Variants in NOS1AP observed in about 807,000 individuals in gnomAD.
NOS1AP encodes nitric oxide synthase 1 adaptor protein, also known as carboxyl-terminal PDZ ligand of neuronal nitric oxide synthase protein.
A neutral mutation model predicts 56.2 loss-of-function variants in NOS1AP; 21 were observed. That is an observed-to-expected ratio of 0.37 (90% CI 0.26 to 0.54). The LOEUF is 0.54. NOS1AP is among the 20% of genes least tolerant of loss of function. The pLI is 0.84. For synonymous variants in NOS1AP, 270 were observed against 274.6 expected (o/e 0.98, Z 0.17); for missense variants, 522 against 657.8 (o/e 0.79, Z 2.26).
intron 2 of NOS1AP, among the ~76,000 whole-genome samples, chr1:162,168,874 G>A (rs1293757018): frequency 2.0e-5 from 3 of 152,210 alleles, no homozygotes; most frequent in African/African-American, 7.2e-5. Context: ...CTGAGGTGGT[G>A]AGGGATTGAA....
At chr1:162,160,844 G>A (rs764721286) in intron 2 of NOS1AP, among the ~76,000 whole-genome samples, 9 of 152,118 alleles carry the variant, frequency 5.9e-5, no homozygotes, top group Admixed American at 2.6e-4. Context: ...CAAACTTAGC[G>A]GCTTAACACA....
chr1:162,309,958 G>A (rs2812137), intron 4 of NOS1AP, among the ~76,000 whole-genome samples: 83,232 of 151,976 alleles, frequency 0.55, 22,975 homozygotes, highest in South Asian at 0.6. Flanking sequence ...GGGAAATGCT[G>A]TAATATTTAG....
intron 2 of NOS1AP, among the ~76,000 whole-genome samples, chr1:162,157,625 C>T (rs1193948305): frequency 1.3e-5 from 2 of 152,196 alleles, no homozygotes; most frequent in Non-Finnish European, 2.9e-5. Context: ...CCTTGGAAAA[C>T]AGCAGTTATG....
intron 1 of NOS1AP, among the ~76,000 whole-genome samples, chr1:162,072,523 A>C (rs1123015): frequency 0.49 from 74,422 of 152,072 alleles, 21,484 homozygotes; most frequent in Non-Finnish European, 0.65. Flanking sequence ...CTGTTTTCCC[A>C]ATGCAAATGA....
intron 2 of NOS1AP, among the ~76,000 whole-genome samples, chr1:162,236,732 G>A (rs1011498321): frequency 6.6e-6 from 1 of 152,144 alleles, no homozygotes; most frequent in Non-Finnish European, 1.5e-5. Context: ...TGTTTCCCTT[G>A]GTTAGAAATG....
intron 2 of NOS1AP, among the ~76,000 whole-genome samples, chr1:162,237,883 G>A (rs1037761276): frequency 3.4e-4 from 37 of 108,436 alleles, no homozygotes; most frequent in African/African-American, 9.6e-4. Flanking sequence ...GAGAGCATGG[G>A]AGACACATGA....
At chr1:162,344,081 C>T (rs1657199345) in intron 6 of NOS1AP, 105 bp downstream of exon 6, 2 of 1,277,366 alleles carry the variant, frequency 1.6e-6, no homozygotes, top group Non-Finnish European at 2.2e-6. Context: ...TTTTAAGAAA[C>T]ATTTTATTTT....
At chr1:162,353,976 A>G (rs1300038004) in intron 6 of NOS1AP, among the ~76,000 whole-genome samples, 2 of 152,242 alleles carry the variant, frequency 1.3e-5, no homozygotes, top group Non-Finnish European at 2.9e-5. Context: ...TTTTCTGTTA[A>G]ACGCCTTTGC....
intron 6 of NOS1AP, among the ~76,000 whole-genome samples, chr1:162,351,330 G>C (rs1451742955): frequency 6.6e-6 from 1 of 152,218 alleles, no homozygotes; most frequent in Non-Finnish European, 1.5e-5. Context: ...TCATTTGACT[G>C]TACCAATCTG....
At chr1:162,343,810 T>C (rs1403901749) in intron 5 of NOS1AP, 25 bp from the exon 6 acceptor site, 1 of 1,614,074 alleles carries the variant, frequency 6.2e-7, no homozygotes, top group Non-Finnish European at 8.5e-7. Flanking sequence ...TCACCCATCC[T>C]GTTCTTCTCC....
At chr1:162,190,819 C>T (rs1651602974) in intron 2 of NOS1AP, among the ~76,000 whole-genome samples, 1 of 152,090 alleles carries the variant, frequency 6.6e-6, no homozygotes. Flanking sequence ...TTTATGAAAT[C>T]AACTTTTTTT....
intron 1 of NOS1AP, among the ~76,000 whole-genome samples, chr1:162,106,922 AT>A (rs1192107284): frequency 2.0e-5 from 3 of 152,156 alleles, no homozygotes; most frequent in African/African-American, 7.2e-5. Flanking sequence ...TATCCCAAAG[AT>A]TTACTGGCAA....
intron 6 of NOS1AP, among the ~76,000 whole-genome samples, chr1:162,352,625 T>C (rs2101816632): frequency 6.6e-6 from 1 of 152,258 alleles, no homozygotes; most frequent in South Asian, 2.1e-4. Context: ...GCCAATTTGG[T>C]TCCTGGTGAG....
Position 162,324,416 on chromosome 1 carries a change from C to CTTTTTTTTTTTTTTT in NOS1AP, c.345-8587_345-8573dup, listed in dbSNP as rs35946766. Among the ~76,000 whole-genome samples, 10 of 72,146 alleles carry CTTTTTTTTTTTTTTT rather than the reference C, an allele frequency of 1.4e-4. 1 individual carries two copies. Among genetic ancestry groups the CTTTTTTTTTTTTTTT allele is most frequent in the South Asian group, 1.1e-3 (2 of 1,748 alleles). The allele number at this position is 72,146 out of a possible 152,430, so 47.3% of individuals were successfully genotyped here. On this transcript the variant is annotated intron_variant, in intron 4 of 9. Transcript: ENST00000361897. ...TAGTGGTTTTGTGAGGGACACTAGC[C>CTTTTTTTTTTTTTTT]TTTTTTTTTTTTTTTTTTTTTTTTT...
chr1:162,106,282 C>T (rs1182106240), intron 1 of NOS1AP, among the ~76,000 whole-genome samples: 3 of 152,208 alleles, frequency 2.0e-5, no homozygotes, highest in Non-Finnish European at 4.4e-5. Flanking sequence ...TCCTGCTTCT[C>T]TTTGCTGTCT....
chr1:162,176,056 C>A (rs1006578916), intron 2 of NOS1AP, among the ~76,000 whole-genome samples: 1 of 152,174 alleles, frequency 6.6e-6, no homozygotes, highest in Non-Finnish European at 1.5e-5. Context: ...TCTGTTAGCA[C>A]CTTACTGTCT....
chr1:162,357,288 A>T, intron 8 of NOS1AP, 152 bp downstream of exon 8: 4 of 1,347,722 alleles, frequency 3.0e-6, no homozygotes, highest in Non-Finnish European at 4.1e-6. Context: ...GAGTGGGGGC[A>T]GCGGGAGGGG....
chr1:162,186,680 A>C (rs755281745), intron 2 of NOS1AP, among the ~76,000 whole-genome samples: 2 of 152,232 alleles, frequency 1.3e-5, no homozygotes, highest in Non-Finnish European at 1.5e-5. Flanking sequence ...GTGTGAGGAC[A>C]CAGTGAGAAG....
chr1:162,126,966 T>C (rs934251544), intron 1 of NOS1AP, among the ~76,000 whole-genome samples: 1 of 152,202 alleles, frequency 6.6e-6, no homozygotes. Context: ...ACTTGGATTT[T>C]TACTTATCTG....
Sources: allele counts gnomAD v4.1 joint callset (sites outside exome capture counted in the v4.1 genomes callset), GRCh38; gene constraint gnomAD v4.1.1; transcripts MANE v1.5; gene names NCBI Gene and HGNC (gene_info 2026-07-23, HGNC 2026-07-21).